Variants in OCA2 observed in about 807,000 individuals in gnomAD.
OCA2 encodes P protein.
In OCA2, 77 loss-of-function variants were observed where a neutral mutation model predicts 100.2. That is an observed-to-expected ratio of 0.77 (90% CI 0.64 to 0.93). The LOEUF (loss-of-function observed/expected upper bound fraction) is 0.93. OCA2 is among the 40% of genes least tolerant of loss of function. The pLI is 0.00. For synonymous variants in OCA2, 432 were observed against 439.2 expected (o/e 0.98, Z 0.21); for missense variants, 1,062 against 1,089.1 (o/e 0.98, Z 0.35).
At chr15:27,897,186 T>C (rs1042055334) in intron 19 of OCA2, among the ~76,000 whole-genome samples, 5 of 111,694 alleles carry the variant, frequency 4.5e-5, no homozygotes, top group African/African-American at 1.4e-4. Flanking sequence ...CAAGACTCCG[T>C]CTCAAAAAAA....
intron 21 of OCA2, among the ~76,000 whole-genome samples, chr15:27,868,450 G>C (rs1214999624): frequency 6.6e-6 from 1 of 152,190 alleles, no homozygotes; most frequent in East Asian, 1.9e-4. Flanking sequence ...ATTATGCTAT[G>C]TGAGATAAGC....
intron 9 of OCA2, among the ~76,000 whole-genome samples, chr15:28,002,312 G>A (rs2041952380): frequency 6.6e-6 from 1 of 152,202 alleles, no homozygotes; most frequent in South Asian, 2.1e-4. Flanking sequence ...TGTGGCAGAT[G>A]CTGGACCATG....
At chr15:27,946,238 G>A (rs1046381379) in intron 18 of OCA2, among the ~76,000 whole-genome samples, 4 of 152,156 alleles carry the variant, frequency 2.6e-5, no homozygotes, top group African/African-American at 9.7e-5. Flanking sequence ...CAAAATGAAG[G>A]CCTCAGAAGT....
At chr15:27,999,649 A>G (rs1298184870) in intron 9 of OCA2, among the ~76,000 whole-genome samples, 1 of 152,224 alleles carries the variant, frequency 6.6e-6, no homozygotes, top group Non-Finnish European at 1.5e-5. Flanking sequence ...AAAATTAAAA[A>G]TGTCCAAATT....
intron 23 of OCA2, among the ~76,000 whole-genome samples, chr15:27,789,131 T>C (rs1472529177): frequency 6.6e-6 from 1 of 151,482 alleles, no homozygotes; most frequent in Non-Finnish European, 1.5e-5. Context: ...CAAAAATACA[T>C]TTATTCAGGC....
the OCA2 span, among the ~76,000 whole-genome samples, chr15:27,739,440 CTTTTTTT>C: frequency 1.0e-4 from 10 of 100,054 alleles, no homozygotes; most frequent in African/African-American, 4.0e-4. Context: ...TAATTTCTTT[CTTTTTTT>C]TTTTTTTTTT....
At chr15:27,940,970 T>G (rs1232246745) in intron 18 of OCA2, among the ~76,000 whole-genome samples, 1 of 152,188 alleles carries the variant, frequency 6.6e-6, no homozygotes, top group Admixed American at 6.5e-5. Flanking sequence ...GTGAAAATGT[T>G]GACACAACCT....
intron 19 of OCA2, chr15:27,895,944 G>A: frequency 1.5e-6 from 1 of 680,600 alleles, no homozygotes; most frequent in Non-Finnish European, 2.7e-6. Flanking sequence ...GCATATGCAT[G>A]TGAACTACGA....
chr15:28,046,126 G>A (rs1312220942), intron 2 of OCA2, among the ~76,000 whole-genome samples: 2 of 152,176 alleles, frequency 1.3e-5, no homozygotes, highest in Non-Finnish European at 2.9e-5. Flanking sequence ...CTCTCTTCCT[G>A]TGCATCATCC....
At chr15:27,879,211 T>C (rs1471918278) in intron 19 of OCA2, among the ~76,000 whole-genome samples, 2 of 152,218 alleles carry the variant, frequency 1.3e-5, no homozygotes, top group African/African-American at 2.4e-5. Context: ...CTGCAGAGTA[T>C]TGCATGTTGT....
chr15:27,880,513 TG>T (rs557280305), intron 19 of OCA2, among the ~76,000 whole-genome samples: 34 of 152,346 alleles, frequency 2.2e-4, no homozygotes, highest in African/African-American at 7.7e-4. Context: ...TCCATTTCTT[TG>T]TGTCCTCTTT....
At chr15:27,896,008 C>G (rs1307173802) in intron 19 of OCA2, 1 of 964,054 alleles carries the variant, frequency 1.0e-6, no homozygotes, top group African/African-American at 1.6e-5. Flanking sequence ...ATTGTACTGG[C>G]CTGCAGGCTT....
chr15:27,867,474 T>C (rs2036369926), intron 21 of OCA2, among the ~76,000 whole-genome samples: 1 of 152,054 alleles, frequency 6.6e-6, no homozygotes, highest in Admixed American at 6.5e-5. Context: ...AAAATGCAAT[T>C]GGAAAAAGAA....
intron 19 of OCA2, among the ~76,000 whole-genome samples, chr15:27,885,283 C>T (rs2037179557): frequency 6.6e-6 from 1 of 152,106 alleles, no homozygotes; most frequent in South Asian, 2.1e-4. Context: ...CTTTATCCTG[C>T]CTATTATCAG....
At chr15:27,824,602 C>CTCTCTCTCTA in intron 23 of OCA2, among the ~76,000 whole-genome samples, 4 of 47,598 alleles carry the variant, frequency 8.4e-5, no homozygotes, top group African/African-American at 4.7e-4. Context: ...CTCTCTCTCT[C>CTCTCTCTCTA]TATATATATA....
chr15:27,754,638 A>G (rs1307976923), downstream of OCA2, among the ~76,000 whole-genome samples: 2 of 152,214 alleles, frequency 1.3e-5, no homozygotes, highest in Non-Finnish European at 2.9e-5. Context: ...TCCTGCAGGG[A>G]GAGCAGGACT....
intron 7 of OCA2, among the ~76,000 whole-genome samples, chr15:28,017,219 G>T (rs1010136514): frequency 2.0e-5 from 3 of 152,168 alleles, no homozygotes; most frequent in Admixed American, 1.3e-4. Flanking sequence ...TGCAAAGAGC[G>T]TATCTGGGGG....
intron 6 of OCA2, among the ~76,000 whole-genome samples, chr15:28,020,733 T>A (rs1251794260): frequency 3.9e-5 from 6 of 152,210 alleles, no homozygotes; most frequent in African/African-American, 1.4e-4. Context: ...TACAAACACG[T>A]GCACACGCAC....
intron 18 of OCA2, among the ~76,000 whole-genome samples, chr15:27,930,113 A>C (rs1370824869): frequency 6.6e-6 from 1 of 152,196 alleles, no homozygotes; most frequent in Non-Finnish European, 1.5e-5. Context: ...ACCTACCAAT[A>C]TGAACCCACC....
Sources: allele counts gnomAD v4.1 joint callset (sites outside exome capture counted in the v4.1 genomes callset), GRCh38; gene constraint gnomAD v4.1.1; transcripts MANE v1.5; gene names NCBI Gene and HGNC (gene_info 2026-07-23, HGNC 2026-07-21).